Variants in CDK18 observed in about 807,000 individuals in gnomAD.
The protein encoded by CDK18 is cyclin-dependent kinase 18.
In CDK18, 52 loss-of-function variants were observed where a neutral mutation model predicts 62.0. The observed-to-expected ratio is 0.84, with a 90% CI of 0.67 to 1.06. CDK18 has a LOEUF of 1.06. Among genes scored for constraint, CDK18 ranks in the 50% least tolerant of loss-of-function variants. CDK18 has a pLI of 0.00. For synonymous variants in CDK18, 237 were observed against 247.0 expected (o/e 0.96, Z 0.38); for missense variants, 604 against 619.9 (o/e 0.97, Z 0.27).
At position 205,504,768 on chromosome 1, in the gene CDK18, G is replaced by A. The variant is rs1667222636; in HGVS notation, c.-50G>A. The A allele has an allele frequency of 6.6e-6, 1 of 152,256 alleles. No individual in the cohort carries two copies. Among genetic ancestry groups the A allele is most frequent in the South Asian group, 2.1e-4 (1 of 4,834 alleles). The allele number at this position is 152,256 out of a possible 1,614,324, so 9.4% of individuals were successfully genotyped here. ...GCTGCCCCGTGCCCGGGAGGGAGCG[G>A]GCGCACCGCGGCCCCCAGGACACGC... On this transcript the variant is annotated 5_prime_UTR_variant, in exon 1 of 16. Transcript: ENST00000429964.
In CDK18 at chr1:205,527,751, C is replaced by T. The variant is rs1051428468; in HGVS notation, c.730-43C>T. ...TGGTCCCAGCCTTGGAGCAGAGGCTCAGGGCCACCTTCCACCCCACATTTC... is the reference window on the plus strand; with the variant it reads ...TGGTCCCAGCCTTGGAGCAGAGGCTTAGGGCCACCTTCCACCCCACATTTC... On this transcript the variant is annotated intron_variant, in intron 8 of 15. Coordinates refer to ENST00000429964, the MANE Select transcript of CDK18 (RefSeq NM_212502.3). This position sits in a 1 kb window ranked among gnomAD's most constrained non-coding sequence, Gnocchi z 4.1. The T allele has an allele frequency of 6.2e-7, 1 of 1,605,746 alleles. No individual in the cohort carries two copies. The highest frequency in any genetic ancestry group is 8.5e-7 in the Non-Finnish European group (1 of 1,175,022).
intron 1 of CDK18, among the ~76,000 whole-genome samples, chr1:205,509,182 A>C (rs1667453307): frequency 6.6e-6 from 1 of 152,200 alleles, no homozygotes; most frequent in African/African-American, 2.4e-5. Flanking sequence ...GCTCCCTGAC[A>C]GCATGAGTAA....
intron 11 of CDK18, 110 bp downstream of exon 11, chr1:205,529,206 C>A: frequency 1.5e-6 from 2 of 1,332,140 alleles, no homozygotes; most frequent in Non-Finnish European, 2.1e-6. Flanking sequence ...CTCTCCCGGG[C>A]GGGGACCCCC....
rs999164050 is a variant in CDK18, at chr1:205,531,775, G to T, written c.*397G>T. ...GCTCTACCCTCCTCCCCCAGGACCT[G>T]CCTAGTGCCAGTTTGGTAGTCCCCC... is the stretch of plus-strand genomic sequence containing the variant. On this transcript the variant is annotated 3_prime_UTR_variant, in exon 16 of 16. Coordinates refer to ENST00000429964, the MANE Select transcript of CDK18 (RefSeq NM_212502.3). 4.7e-6 allele frequency: 1 copy of T among 212,848 alleles called. No homozygotes were observed. Among genetic ancestry groups the T allele is most frequent in the African/African-American group, 2.3e-5 (1 of 43,400 alleles). The allele number at this position is 212,848 out of a possible 1,614,324, so 13.2% of individuals were successfully genotyped here.
In CDK18 at chr1:205,531,394, C is replaced by T. The variant is rs879101603; in HGVS notation, c.*16C>T. The T allele has an allele frequency of 1.3e-5, 21 of 1,612,408 alleles. No homozygotes were observed. The South Asian group carries it at 1.6e-4, about 13-fold the overall frequency. ...CATCTTCTGAGCCACGCCCACCTTGCTGTGGCCAAGGGACAAGAGATCACA... is the reference window on the plus strand; with the variant it reads ...CATCTTCTGAGCCACGCCCACCTTGTTGTGGCCAAGGGACAAGAGATCACA... On this transcript the variant is annotated 3_prime_UTR_variant, in exon 16 of 16. Coordinates refer to ENST00000429964, the MANE Select transcript of CDK18 (RefSeq NM_212502.3).
chr1:205,531,258 TG>T lies in CDK18; in HGVS notation c.1391-81del, dbSNP rs1668721516. ...CTTGCTTGCTCTGTCAGAGCAGCTC[TG>T]GGGGACAGCGACTGTCCCTGCTGAC... is the stretch of plus-strand genomic sequence containing the variant. On this transcript the variant is annotated intron_variant, in intron 15 of 15. Transcript: ENST00000429964. 27 of 1,262,620 alleles carry T rather than the reference TG, an allele frequency of 2.1e-5. 2 individuals carry two copies. The South Asian group carries it at 2.8e-4, about 13-fold the overall frequency. The allele number at this position is 1,262,620 out of a possible 1,614,324, so 78.2% of individuals were successfully genotyped here.
intron 1 of CDK18, among the ~76,000 whole-genome samples, chr1:205,521,827 G>A (rs1480631836): frequency 5.3e-5 from 8 of 152,226 alleles, no homozygotes; most frequent in African/African-American, 1.4e-4. Flanking sequence ...AGGAGGATTC[G>A]GGAAGGGCCT....
At chr1:205,510,353 A>C (rs1667509701) in intron 1 of CDK18, among the ~76,000 whole-genome samples, 1 of 152,138 alleles carries the variant, frequency 6.6e-6, no homozygotes, top group Admixed American at 6.5e-5. Flanking sequence ...CACTGCCTGG[A>C]AGCAGGTGGG....
chr1:205,528,001 C>T lies in CDK18; in HGVS notation c.854-47C>T. 1 of 1,613,228 alleles carries T rather than the reference C, an allele frequency of 6.2e-7. No homozygotes were observed. The highest frequency in any genetic ancestry group is 8.5e-7 in the Non-Finnish European group (1 of 1,179,366). On this transcript the variant is annotated intron_variant, in intron 9 of 15. Coordinates refer to ENST00000429964, the MANE Select transcript of CDK18 (RefSeq NM_212502.3). The surrounding 1 kb of genome is among the most constrained non-coding windows in gnomAD (Gnocchi z 4.2). ...CAGTGGGGGAGGGCATAGCAGTCAACCCCACAGCACCTGTGGACAGAGGTC... is the reference window on the plus strand; with the variant it reads ...CAGTGGGGGAGGGCATAGCAGTCAATCCCACAGCACCTGTGGACAGAGGTC...
chr1:205,511,568 A>G (rs1033842091), intron 1 of CDK18, among the ~76,000 whole-genome samples: 2 of 152,262 alleles, frequency 1.3e-5, no homozygotes, highest in Non-Finnish European at 2.9e-5. Flanking sequence ...GAAGATGCAG[A>G]TAAGCAAAAA....
intron 1 of CDK18, among the ~76,000 whole-genome samples, chr1:205,511,524 A>T (rs575017066): frequency 6.6e-6 from 1 of 152,352 alleles, no homozygotes; most frequent in Admixed American, 6.5e-5. Context: ...TTTTCTTCTT[A>T]TGTAAGCAAT....
intron 4 of CDK18, among the ~76,000 whole-genome samples, chr1:205,524,660 G>A (rs1410215364): frequency 6.6e-6 from 1 of 152,234 alleles, no homozygotes; most frequent in Non-Finnish European, 1.5e-5. Flanking sequence ...TATCAGAGCT[G>A]TTTGGGACAT....
intron 1 of CDK18, among the ~76,000 whole-genome samples, chr1:205,506,940 A>G (rs920247879): frequency 2.0e-5 from 3 of 152,226 alleles, no homozygotes; most frequent in Non-Finnish European, 4.4e-5. Context: ...GCTCAGGTCT[A>G]GAGGACATGG....
At chr1:205,524,526 A>G (rs1366982121) in intron 4 of CDK18, among the ~76,000 whole-genome samples, 169 bp downstream of exon 4, 3 of 152,078 alleles carry the variant, frequency 2.0e-5, no homozygotes, top group African/African-American at 4.8e-5. Flanking sequence ...CTACATCAAC[A>G]TCCATTTCCT....
intron 2 of CDK18, 76 bp downstream of exon 2, chr1:205,523,373 C>T (rs772199728): frequency 1.2e-6 from 2 of 1,604,062 alleles, no homozygotes; most frequent in Non-Finnish European, 1.7e-6. Flanking sequence ...CCCCGCCCAC[C>T]CCCTCCCCAC....
In CDK18 at chr1:205,529,325, G is replaced by C; in HGVS notation, c.1074G>C (p.Gly358=). 1 of 1,613,032 alleles carries C rather than the reference G, an allele frequency of 6.2e-7. No individual in the cohort carries two copies. Among genetic ancestry groups the C allele is most frequent in the Non-Finnish European group, 8.5e-7 (1 of 1,179,372 alleles). Reference sequence around the variant, plus strand: ...CCCCACCCTCTCTCGTCTCCCCAGGGACCCCCACAGAAGAGACGTGGCCCG... The same window carrying C: ...CCCCACCCTCTCTCGTCTCCCCAGGCACCCCCACAGAAGAGACGTGGCCCG... ...EELHLIFRLL[G]TPTEETWPGV... Residue 358 remains glycine, a splice_region_variant and synonymous_variant, in exon 12 of 16, where the codon GGG becomes GGC. Transcript: ENST00000429964.
At chr1:205,529,134 G>T (rs1223940071) in intron 11 of CDK18, 38 bp downstream of exon 11, 1 of 1,521,914 alleles carries the variant, frequency 6.6e-7, no homozygotes, top group Non-Finnish European at 8.9e-7. Flanking sequence ...CACCACCAGG[G>T]GGCGCCGGAA....
chr1:205,519,099 G>A (rs895043319), intron 1 of CDK18, among the ~76,000 whole-genome samples: 3 of 152,222 alleles, frequency 2.0e-5, no homozygotes, highest in African/African-American at 4.8e-5. Flanking sequence ...GACAAAGGCT[G>A]TGCTGTGCCT....
At chr1:205,515,836 G>T (rs1486842586) in intron 1 of CDK18, among the ~76,000 whole-genome samples, 1 of 152,164 alleles carries the variant, frequency 6.6e-6, no homozygotes, top group African/African-American at 2.4e-5. Flanking sequence ...ATTGCTCCCG[G>T]AAGGCCTTCC....
Sources: allele counts gnomAD v4.1 joint callset (sites outside exome capture counted in the v4.1 genomes callset), GRCh38; gene constraint gnomAD v4.1.1; non-coding constraint Gnocchi (gnomAD v3.1); transcripts MANE v1.5; gene names NCBI Gene and HGNC (gene_info 2026-07-23, HGNC 2026-07-21).